Variants in TOX2 observed in about 807,000 individuals in gnomAD.
TOX2 encodes granulosa cell HMG box 1.
Under a neutral mutation model 47.4 loss-of-function variants are expected in TOX2, and 15 were observed. The observed-to-expected ratio is 0.32, with a 90% CI of 0.21 to 0.49. The LOEUF (loss-of-function observed/expected upper bound fraction) is 0.49, where lower values mean the gene tolerates loss of function less well. Ranked by LOEUF, TOX2 falls within the 20% of genes least tolerant of loss-of-function variation. TOX2 has a pLI of 0.99. For synonymous variants in TOX2, 290 were observed against 296.6 expected (o/e 0.98, Z 0.23); for missense variants, 622 against 673.1 (o/e 0.92, Z 0.84).
At chr20:44,041,960 T>G (rs1201216888) in intron 3 of TOX2, among the ~76,000 whole-genome samples, 1 of 152,222 alleles carries the variant, frequency 6.6e-6, no homozygotes, top group Non-Finnish European at 1.5e-5. Flanking sequence ...TGTATCCATG[T>G]GATGAGAAGA....
At chr20:43,934,151 G>C (rs927545600) in intron 1 of TOX2, among the ~76,000 whole-genome samples, 24 of 150,904 alleles carry the variant, frequency 1.6e-4, no homozygotes, top group African/African-American at 5.9e-4. Context: ...GAGAGAGAGA[G>C]AGAGAGAGAG....
At chr20:44,034,471 G>A (rs1206919892) in intron 3 of TOX2, among the ~76,000 whole-genome samples, 2 of 152,248 alleles carry the variant, frequency 1.3e-5, no homozygotes, top group African/African-American at 4.8e-5. Context: ...AATGAATGGA[G>A]TACCAGGAGC....
intron 3 of TOX2, among the ~76,000 whole-genome samples, chr20:44,030,141 C>T (rs2071127652): frequency 6.6e-6 from 1 of 152,136 alleles, no homozygotes; most frequent in South Asian, 2.1e-4. Flanking sequence ...GATGTCATCC[C>T]CAAGTTCAGC....
intron 1 of TOX2, among the ~76,000 whole-genome samples, chr20:43,952,455 G>A (rs533652924): frequency 6.6e-6 from 1 of 152,346 alleles, no homozygotes; most frequent in East Asian, 1.9e-4. Flanking sequence ...AATCAGCAGA[G>A]AAGTAGGGGT....
chr20:44,052,645 C>A (rs1432060348), intron 4 of TOX2, among the ~76,000 whole-genome samples: 1 of 152,210 alleles, frequency 6.6e-6, no homozygotes, highest in African/African-American at 2.4e-5. Flanking sequence ...AAACACATAA[C>A]AAGTATACGT....
At chr20:43,968,660 C>A (rs187155601) in intron 1 of TOX2, among the ~76,000 whole-genome samples, 3 of 152,212 alleles carry the variant, frequency 2.0e-5, no homozygotes, top group Non-Finnish European at 4.4e-5. Flanking sequence ...ATTTCCATGA[C>A]AAAACTCTTG....
At chr20:44,025,642 G>A in intron 3 of TOX2, among the ~76,000 whole-genome samples, 1 of 90,534 alleles carries the variant, frequency 1.1e-5, no homozygotes, top group Non-Finnish European at 2.4e-5. Flanking sequence ...TGTGAAAAAT[G>A]TTATTTTCTC....
chr20:43,944,298 C>T (rs2069437979), intron 1 of TOX2, among the ~76,000 whole-genome samples: 1 of 152,160 alleles, frequency 6.6e-6, no homozygotes, highest in African/African-American at 2.4e-5. Context: ...AAACAAAAGC[C>T]ATCAAACACA....
intron 3 of TOX2, among the ~76,000 whole-genome samples, chr20:44,031,075 T>G (rs1395939735): frequency 6.6e-6 from 1 of 151,960 alleles, no homozygotes; most frequent in African/African-American, 2.4e-5. Flanking sequence ...AAGGGCAAAA[T>G]GCACAAAGAT....
At chr20:43,964,580 G>A (rs6017227) in intron 1 of TOX2, among the ~76,000 whole-genome samples, 17,897 of 152,188 alleles carry the variant, frequency 0.12, 1,209 homozygotes, top group African/African-American at 0.18. Context: ...GCATCCCTAG[G>A]CTTTGATCTG....
intron 1 of TOX2, among the ~76,000 whole-genome samples, chr20:43,921,874 G>C (rs2069116100): frequency 6.6e-6 from 1 of 152,158 alleles, no homozygotes; most frequent in South Asian, 2.1e-4. Flanking sequence ...TTGATCCCTA[G>C]ACCTGATTTT....
At chr20:43,943,548 C>G (rs1019018915) in intron 1 of TOX2, among the ~76,000 whole-genome samples, 1 of 152,154 alleles carries the variant, frequency 6.6e-6, no homozygotes, top group African/African-American at 2.4e-5. Flanking sequence ...TGTGTGTAAG[C>G]TGGGCTTCCT....
Position 44,068,666 on chromosome 20 carries a change from A to C in TOX2, c.1501A>C (p.Lys501Gln), listed in dbSNP as rs377652375. The C allele has an allele frequency of 4.2e-5, 68 of 1,613,368 alleles. No homozygotes were observed. The highest frequency in any genetic ancestry group is 5.3e-5 in the Non-Finnish European group (63 of 1,179,556). ...CTCTCACAGCCTGCTCCCCAGGGAC[A>C]AATCGCTCTACCTCACCTAATCCCG... is the stretch of plus-strand genomic sequence containing the variant. Reference protein sequence around the residue: ...ISTCSLLPRDKSLYLT With the variant: ...ISTCSLLPRDQSLYLT Residue 501 changes from lysine to glutamine, a missense_variant, in exon 9 of 9, where the codon AAA (lysine) becomes CAA (glutamine). By Grantham distance (53) the Lys-to-Gln change is moderately conservative. Transcript: ENST00000341197.
chr20:44,066,204 A>G, intron 7 of TOX2, 97 bp downstream of exon 7: 2 of 1,343,656 alleles, frequency 1.5e-6, no homozygotes, highest in Non-Finnish European at 2.0e-6. Flanking sequence ...CACCAGTGAT[A>G]TAACCTCAGC....
intron 5 of TOX2, among the ~76,000 whole-genome samples, chr20:44,057,262 T>A (rs2071636154): frequency 6.6e-6 from 1 of 152,140 alleles, no homozygotes; most frequent in South Asian, 2.1e-4. Flanking sequence ...GATTTCTAAT[T>A]CTGTTTTCTT....
chr20:44,061,600 A>G (rs1457168149), intron 5 of TOX2, among the ~76,000 whole-genome samples: 1 of 151,398 alleles, frequency 6.6e-6, no homozygotes, highest in Non-Finnish European at 1.5e-5. Context: ...TCAACAGAGT[A>G]CTGGAATTCC....
At chr20:43,963,216 C>A (rs553403595) in intron 1 of TOX2, among the ~76,000 whole-genome samples, 1 of 152,250 alleles carries the variant, frequency 6.6e-6, no homozygotes, top group East Asian at 1.9e-4. Flanking sequence ...TACCTGGCAG[C>A]CCTCACCTGT....
chr20:43,992,577 A>C (rs1005354126), intron 2 of TOX2, among the ~76,000 whole-genome samples: 1 of 152,172 alleles, frequency 6.6e-6, no homozygotes, highest in Non-Finnish European at 1.5e-5. Flanking sequence ...CCCATATCTG[A>C]AAAAATGTCG....
At chr20:44,041,319 G>A (rs562147036) in intron 3 of TOX2, among the ~76,000 whole-genome samples, 97 of 152,346 alleles carry the variant, frequency 6.4e-4, no homozygotes, top group Admixed American at 1.4e-3. Flanking sequence ...CAGCACACAG[G>A]GGAATGGGTA....
Sources: allele counts gnomAD v4.1 joint callset (sites outside exome capture counted in the v4.1 genomes callset), GRCh38; gene constraint gnomAD v4.1.1; transcripts MANE v1.5; gene names NCBI Gene and HGNC (gene_info 2026-07-23, HGNC 2026-07-21).